Variants in TBC1D8 observed in about 807,000 individuals in gnomAD.
TBC1D8 encodes BUB2-like protein 1.
Under a neutral mutation model 118.8 loss-of-function variants are expected in TBC1D8, and 65 were observed. The observed-to-expected ratio is 0.55, with a 90% CI of 0.45 to 0.67. The LOEUF (loss-of-function observed/expected upper bound fraction) is 0.67. TBC1D8 is among the 30% of genes least tolerant of loss of function. TBC1D8 has a pLI of 0.00. For missense variants in TBC1D8, 1,376 were observed against 1,471.2 expected (o/e 0.94, Z 1.06); for synonymous variants, 566 against 595.8 (o/e 0.95, Z 0.73).
chr2:101,044,619 C>A (rs1681587896), intron 5 of TBC1D8, among the ~76,000 whole-genome samples: 1 of 152,200 alleles, frequency 6.6e-6, no homozygotes, highest in Non-Finnish European at 1.5e-5. Context: ...CGCAGAAGCA[C>A]CCCTATGAGG....
At chr2:101,103,662 G>C (rs958482901) in intron 1 of TBC1D8, among the ~76,000 whole-genome samples, 1 of 152,034 alleles carries the variant, frequency 6.6e-6, no homozygotes, top group Admixed American at 6.6e-5. Context: ...AAAGTGCTGG[G>C]ATTACAGGCG....
chr2:101,027,383 CTTGAA>C lies in TBC1D8; in HGVS notation c.2515_2519del (p.Phe839GlufsTer27), dbSNP rs1376437613. 6.2e-7 allele frequency: 1 copy of C among 1,612,758 alleles called. No individual in the cohort carries two copies. Among genetic ancestry groups the C allele is most frequent in the Non-Finnish European group, 8.5e-7 (1 of 1,179,094 alleles). The stretch of plus-strand genomic sequence containing the variant: ...CCCTCATCTTCCCAGAGCTGCGTAC[CTTGAA>C]TAAGTCGTAGAGCTCCTCTAGGTCT... On this transcript the variant is annotated frameshift_variant and splice_region_variant, in exon 15 of 20. Coordinates refer to ENST00000409318, the MANE Select transcript of TBC1D8 (RefSeq NM_001330348.2). LOFTEE classifies it high-confidence loss of function.
intron 2 of TBC1D8, among the ~76,000 whole-genome samples, chr2:101,065,704 CT>C (rs543743524): frequency 2.0e-5 from 3 of 151,826 alleles, no homozygotes; most frequent in South Asian, 2.1e-4. Context: ...ATTTCCTTGG[CT>C]TTTTTTTGCC....
intron 1 of TBC1D8, among the ~76,000 whole-genome samples, chr2:101,110,555 T>C (rs1677524201): frequency 6.6e-6 from 1 of 152,162 alleles, no homozygotes; most frequent in Non-Finnish European, 1.5e-5. Context: ...TAAACAGTGA[T>C]GGCTCCTTCA....
At chr2:101,147,106 C>T (rs1164971250) in intron 1 of TBC1D8, among the ~76,000 whole-genome samples, 1 of 152,098 alleles carries the variant, frequency 6.6e-6, no homozygotes, top group African/African-American at 2.4e-5. Flanking sequence ...AGGAGGATGG[C>T]TTGAGGTCAA....
At chr2:101,022,572 C>A (rs1463963397) in intron 15 of TBC1D8, 51 bp from the exon 16 acceptor site, 1 of 1,561,596 alleles carries the variant, frequency 6.4e-7, no homozygotes, top group African/African-American at 1.4e-5. Flanking sequence ...GAACAAGCCA[C>A]GTTATTAACA....
At chr2:101,054,641 TC>T (rs1682283367) in intron 3 of TBC1D8, among the ~76,000 whole-genome samples, 1 of 74,026 alleles carries the variant, frequency 1.4e-5, no homozygotes, top group Non-Finnish European at 3.1e-5. Flanking sequence ...TAAGCCCGGT[TC>T]TCAAACAAAC....
intron 3 of TBC1D8, 53 bp from the exon 4 acceptor site, chr2:101,054,389 G>A: frequency 6.5e-7 from 1 of 1,531,712 alleles, no homozygotes; most frequent in Non-Finnish European, 8.8e-7. Context: ...TGGGAAGGCA[G>A]GGGGTGCAAG....
At position 101,043,708 on chromosome 2, in the gene TBC1D8, G is replaced by A. The variant is rs916894994; in HGVS notation, c.873-3323C>T. Among the ~76,000 whole-genome samples, 17 of 152,254 alleles carry A rather than the reference G, an allele frequency of 1.1e-4. No homozygotes were observed. The East Asian group carries it at 1.5e-3, about 14-fold the overall frequency. On this transcript the variant is annotated intron_variant, in intron 5 of 19. Coordinates refer to ENST00000409318, the MANE Select transcript of TBC1D8 (RefSeq NM_001330348.2). ...TGTAATCCCAGCACTTTGGGAGGCCGAGCTGGGCAGATCACGAGGCCAGGA... is the reference window on the plus strand; with the variant it reads ...TGTAATCCCAGCACTTTGGGAGGCCAAGCTGGGCAGATCACGAGGCCAGGA...
chr2:101,125,937 C>G (rs1456806700), intron 1 of TBC1D8, among the ~76,000 whole-genome samples: 8 of 152,144 alleles, frequency 5.3e-5, no homozygotes. Context: ...TTCTCCTTCC[C>G]CTTGAGTCCC....
chr2:101,100,697 A>T (rs948764115), intron 1 of TBC1D8, among the ~76,000 whole-genome samples: 7 of 152,152 alleles, frequency 4.6e-5, no homozygotes, highest in Admixed American at 6.5e-5. Context: ...AGGCACACAG[A>T]CCAATGCAGC....
chr2:101,088,848 A>T (rs1675817226), intron 2 of TBC1D8, among the ~76,000 whole-genome samples: 1 of 152,190 alleles, frequency 6.6e-6, no homozygotes, highest in Non-Finnish European at 1.5e-5. Flanking sequence ...CTGTGATTAC[A>T]GGCATGAGCC....
At chr2:101,094,824 G>A (rs1218596617) in intron 1 of TBC1D8, among the ~76,000 whole-genome samples, 1 of 152,162 alleles carries the variant, frequency 6.6e-6, no homozygotes, top group Non-Finnish European at 1.5e-5. Context: ...CAAAGACAAG[G>A]TGAACAAATT....
intron 1 of TBC1D8, among the ~76,000 whole-genome samples, chr2:101,137,459 C>T (rs1363025701): frequency 1.3e-5 from 2 of 152,004 alleles, no homozygotes; most frequent in African/African-American, 2.4e-5. Context: ...ACTACAGGCG[C>T]CCGCCACCAC....
chr2:101,143,634 A>C (rs1275329240), intron 1 of TBC1D8, among the ~76,000 whole-genome samples: 1 of 152,080 alleles, frequency 6.6e-6, no homozygotes, highest in Non-Finnish European at 1.5e-5. Flanking sequence ...ATCACAGTTC[A>C]CTGCAGCCTC....
chr2:101,083,353 C>T (rs1015206549), intron 2 of TBC1D8, among the ~76,000 whole-genome samples: 3 of 152,090 alleles, frequency 2.0e-5, no homozygotes, highest in Admixed American at 6.6e-5. Flanking sequence ...GGATGGAGGA[C>T]GCAGGTGACA....
At chr2:101,020,430 G>T (rs7570839) in intron 17 of TBC1D8, among the ~76,000 whole-genome samples, 1 of 151,986 alleles carries the variant, frequency 6.6e-6, no homozygotes, top group African/African-American at 2.4e-5. Flanking sequence ...AACTCAATTT[G>T]TATTGGCATA....
intron 2 of TBC1D8, among the ~76,000 whole-genome samples, chr2:101,061,074 G>C (rs1682723981): frequency 6.6e-6 from 1 of 150,898 alleles, no homozygotes; most frequent in African/African-American, 2.4e-5. Context: ...CCTAATCCCA[G>C]CTTCTTGGGA....
In TBC1D8 at chr2:101,124,493, C is replaced by T. The variant is rs1226556504; in HGVS notation, c.127+26634G>A. On this transcript the variant is annotated intron_variant, in intron 1 of 19. Coordinates refer to ENST00000409318, the MANE Select transcript of TBC1D8 (RefSeq NM_001330348.2). ...ATACTAACACTAAAAAACAACTCTT[C>T]CAATTTAAGGAAAAAAACCTGCTGT... is the stretch of plus-strand genomic sequence containing the variant. Among the ~76,000 whole-genome samples, 5 of 152,152 alleles carry T rather than the reference C, an allele frequency of 3.3e-5. No homozygotes were observed. The East Asian group carries it at 9.6e-4, about 29-fold the overall frequency.
Sources: gnomAD v4.1 joint callset for allele counts (sites outside exome capture counted in the v4.1 genomes callset) on GRCh38, gnomAD v4.1.1 for gene constraint, MANE v1.5 for transcripts, NCBI Gene and HGNC (gene_info 2026-07-23, HGNC 2026-07-21) for gene names.